CCNF: variants seen among roughly 807,000 people sequenced by gnomAD.
CCNF encodes cyclin-F.
In CCNF, 30 loss-of-function variants were observed where a neutral mutation model predicts 85.4. The observed-to-expected ratio is 0.35, with a 90% CI of 0.26 to 0.48. CCNF has a LOEUF of 0.48. Ranked by LOEUF, CCNF falls within the 20% of genes least tolerant of loss-of-function variation. The pLI, the probability that CCNF is intolerant of heterozygous loss-of-function variation, is 0.99. For missense variants in CCNF, 919 were observed against 1,010.4 expected, an observed-to-expected ratio of 0.91 and a Z score of 1.23; for synonymous variants, 439 against 425.1, an observed-to-expected ratio of 1.03 and a Z score of -0.40.
chr16:2,429,471 C>A lies in CCNF; in HGVS notation c.-11C>A, dbSNP rs1246152391. On this transcript the variant is annotated 5_prime_UTR_variant, in exon 1 of 17. Transcript: ENST00000397066. The stretch of plus-strand genomic sequence containing the variant: ...CAGGCGGGCTCCGGCGGCAGCGACG[C>A]GAGCGCGGCGATGGGGAGCGGCGGC... 9.0e-6 allele frequency: 11 copies of A among 1,226,980 alleles called. No individual in the cohort carries two copies. Among genetic ancestry groups the A allele is most frequent in the Non-Finnish European group, 1.0e-5 (10 of 985,398 alleles). 76.0% of individuals were successfully genotyped at this position (1,226,980 alleles called of 1,614,324 possible). A position where few individuals can be genotyped will look rare whatever the true frequency, so the allele number is the denominator to read the frequency against.
intron 1 of CCNF, among the ~76,000 whole-genome samples, chr16:2,429,917 G>C (rs1000851182): frequency 5.3e-5 from 8 of 152,190 alleles, no homozygotes; most frequent in African/African-American, 1.9e-4. Flanking sequence ...CCTCAGTCCA[G>C]CGGGGCCGTG....
chr16:2,437,583 A>T, intron 5 of CCNF: 1 of 432,526 alleles, frequency 2.3e-6, no homozygotes, highest in East Asian at 3.9e-5. Context: ...TGCATGGGGC[A>T]GTGGGAGCTC....
At chr16:2,436,102 C>T (rs376297532) in intron 4 of CCNF, 2 of 445,632 alleles carry the variant, frequency 4.5e-6, no homozygotes, top group Non-Finnish European at 8.1e-6. Flanking sequence ...TTTAGCAAAC[C>T]CTTTAATTTC....
chr16:2,433,484 A>G (rs1440226278), intron 3 of CCNF, among the ~76,000 whole-genome samples: 2 of 152,220 alleles, frequency 1.3e-5, no homozygotes, highest in Middle Eastern at 3.2e-3. Context: ...CCCTGTTCAC[A>G]TGTGCTCATG....
chr16:2,432,823 A>G, intron 2 of CCNF, 138 bp from the exon 3 acceptor site: 1 of 561,046 alleles, frequency 1.8e-6, no homozygotes, highest in South Asian at 2.3e-5. Flanking sequence ...TTTCACACAG[A>G]GATTGGGGAC....
intron 5 of CCNF, chr16:2,437,641 C>A: frequency 2.9e-6 from 1 of 348,404 alleles, no homozygotes; most frequent in Non-Finnish European, 5.3e-6. Context: ...GTCATCCTAG[C>A]ACTTTGGGAG....
At chr16:2,444,799 G>C (rs2065352504) in intron 9 of CCNF, among the ~76,000 whole-genome samples, 1 of 151,990 alleles carries the variant, frequency 6.6e-6, no homozygotes, top group African/African-American at 2.4e-5. Context: ...GTATCACTAT[G>C]TTGCCCAGGC....
At chr16:2,438,394 G>T (rs1015373813) in intron 6 of CCNF, among the ~76,000 whole-genome samples, 1 of 152,192 alleles carries the variant, frequency 6.6e-6, no homozygotes, top group Non-Finnish European at 1.5e-5. Context: ...ATGCTCACTC[G>T]TCTGCTGGCC....
At chr16:2,437,765 G>C (rs1319989271) in intron 5 of CCNF, 10 of 370,888 alleles carry the variant, frequency 2.7e-5, no homozygotes, top group Non-Finnish European at 3.9e-5. Context: ...CAGGGGTGGT[G>C]GTGCATACCT....
At chr16:2,429,922 G>T (rs2065254452) in intron 1 of CCNF, among the ~76,000 whole-genome samples, 1 of 152,180 alleles carries the variant, frequency 6.6e-6, no homozygotes, top group South Asian at 2.1e-4. Context: ...GTCCAGCGGG[G>T]CCGTGGACCT....
At chr16:2,443,980 C>G (rs1385788063) in intron 9 of CCNF, among the ~76,000 whole-genome samples, 180 bp downstream of exon 9, 2 of 149,840 alleles carry the variant, frequency 1.3e-5, no homozygotes, top group Non-Finnish European at 2.9e-5. Flanking sequence ...AGTGCAGTGG[C>G]GCGATCTCAG....
intron 15 of CCNF, among the ~76,000 whole-genome samples, chr16:2,454,875 C>G (rs2065416461): frequency 6.6e-6 from 1 of 152,080 alleles, no homozygotes; most frequent in Non-Finnish European, 1.5e-5. Flanking sequence ...ACCTGCCCAT[C>G]ATGGTGAAAC....
chr16:2,447,760 A>G (rs1437896998), intron 10 of CCNF, among the ~76,000 whole-genome samples: 1 of 151,982 alleles, frequency 6.6e-6, no homozygotes, highest in Non-Finnish European at 1.5e-5. Context: ...TCTCAAAAAA[A>G]AAAAGATTTT....
rs750328927 is a variant in CCNF, at chr16:2,449,877, A to C, written c.1449A>C (p.Glu483Asp). ...QLWDLTGFSY[E>D]DLIPCVLSLH... ...GGGACCTCACCGGATTCTCCTATGA[A>C]GACCTCATTCCCTGCGTCTTGAGCC... The change falls in exon 13 of 17, where the codon GAA (glutamate) becomes GAC (aspartate). Residue 483 changes from glutamate (E) to aspartate (D), a missense_variant. This residue lies in a region of CCNF where 505 missense variants were observed against 514.8 expected (regional missense o/e 0.98). Transcript: ENST00000397066. 91 of 1,610,448 alleles carry C rather than the reference A, an allele frequency of 5.7e-5. 1 individual carries two copies. The South Asian group carries it at 9.9e-4, about 17-fold the overall frequency.
rs1456788013 is a variant in CCNF at position 2,458,179 on chromosome 16, C to G, written c.*1159C>G. 1 of 152,476 alleles carries G rather than the reference C, an allele frequency of 6.6e-6. No homozygotes were observed. Among genetic ancestry groups the G allele is most frequent in the African/African-American group, 2.4e-5 (1 of 41,432 alleles). The allele number at this position is 152,476 out of a possible 1,614,324, so 9.4% of individuals were successfully genotyped here. A position where few individuals can be genotyped will look rare whatever the true frequency, so the allele number is the denominator to read the frequency against. ...CTGGGAACGGGCTGACCACAACACA[C>G]CCTGCTGCCATCCACTTCTGTTTAC... On this transcript the variant is annotated 3_prime_UTR_variant, in exon 17 of 17. Coordinates refer to ENST00000397066, the MANE Select transcript of CCNF (RefSeq NM_001761.3).
chr16:2,434,655 T>C (rs2141815100), intron 3 of CCNF, among the ~76,000 whole-genome samples: 1 of 152,304 alleles, frequency 6.6e-6, no homozygotes, highest in South Asian at 2.1e-4. Context: ...GTATAACTCA[T>C]TGGTTTTTAG....
At position 2,455,495 on chromosome 16, in the gene CCNF, G is replaced by T. The variant is rs765259053; in HGVS notation, c.1816G>T (p.Asp606Tyr). 3.7e-6 allele frequency: 6 copies of T among 1,607,386 alleles called. No individual in the cohort carries two copies. Among genetic ancestry groups the T allele is most frequent in the South Asian group, 2.2e-5 (2 of 90,810 alleles). ...QEETLLGSFL[D>Y]WSLDCCSGYE... is the part of the protein sequence containing the mutation. ...GGAGACGCTGCTGGGCAGCTTCCTCGACTGGAGCCTGGACTGCTGCTCTGG... is the reference window on the plus strand; with the variant it reads ...GGAGACGCTGCTGGGCAGCTTCCTCTACTGGAGCCTGGACTGCTGCTCTGG... The change falls in exon 16 of 17, where the codon GAC (aspartate) becomes TAC (tyrosine). Residue 606 changes from aspartate to tyrosine, a missense_variant. Coordinates refer to ENST00000397066, the MANE Select transcript of CCNF (RefSeq NM_001761.3).
intron 16 of CCNF, 120 bp downstream of exon 16, chr16:2,455,684 G>C: frequency 2.9e-6 from 4 of 1,403,386 alleles, no homozygotes; most frequent in Non-Finnish European, 2.8e-6. Flanking sequence ...ACAGAGTGCG[G>C]GGTGGGGCCA....
Position 2,445,680 on chromosome 16 carries a change from G to A in CCNF, c.1094+58G>A. The A allele has an allele frequency of 2.6e-6, 4 of 1,517,856 alleles. 1 individual carries two copies. The South Asian group carries it at 4.7e-5, about 18-fold the overall frequency. 94.0% of individuals were successfully genotyped at this position (1,517,856 alleles called of 1,614,324 possible). ...CGTGCTGGCCTTTCCCGGGTTCAGG[G>A]TCACCTGCCCTTCATGTGCTCCTCA... On this transcript the variant is annotated intron_variant, in intron 10 of 16. Coordinates refer to ENST00000397066, the MANE Select transcript of CCNF (RefSeq NM_001761.3).
Sources: allele counts gnomAD v4.1 joint callset (sites outside exome capture counted in the v4.1 genomes callset), GRCh38; gene constraint gnomAD v4.1.1; regional missense constraint gnomAD v4.1.1; transcripts MANE v1.5; gene names NCBI Gene and HGNC (gene_info 2026-07-23, HGNC 2026-07-21).